The following EML5 variants were observed in gnomAD, a reference collection of about 807,000 sequenced individuals.
EML5 encodes the protein EMAP like 5, also known as echinoderm microtubule-associated protein-like 5.
In EML5, 120 loss-of-function variants were observed where a neutral mutation model predicts 250.0. That is an observed-to-expected ratio of 0.48 (90% CI 0.41 to 0.56). The LOEUF (loss-of-function observed/expected upper bound fraction) is 0.56. EML5 is among the 20% of genes least tolerant of loss of function. The pLI is 0.00. For missense variants in EML5, 2,006 were observed against 2,437.6 expected (o/e 0.82, Z 3.73); for synonymous variants, 771 against 806.5 (o/e 0.96, Z 0.75).
At position 88,621,259 on chromosome 14, in the gene EML5, C is replaced by T; in HGVS notation, c.5056G>A (p.Val1686Ile). ...VGTRNAEIIE[V>I]GEKNAACNIL... ...TTACAAGCTGCATTTTTCTCTCCAA[C>T]TTCGATTATTTCAGCATTCCTTGTC... Residue 1686 changes from valine to isoleucine, a missense_variant, in exon 38 of 44, where the codon GTT becomes ATT. Around this residue, in one of 7 missense-constraint regions of EML5, gnomAD observed 405 missense variants for 523.3 expected, o/e 0.77. Transcript: ENST00000554922. 2 of 1,613,922 alleles carry T rather than the reference C, an allele frequency of 1.2e-6. No homozygotes were observed. The highest frequency in any genetic ancestry group is 1.7e-6 in the Non-Finnish European group (2 of 1,179,874).
At chr14:88,661,872 C>T in intron 24 of EML5, 42 bp from the exon 25 acceptor site, 2 of 1,546,626 alleles carry the variant, frequency 1.3e-6, no homozygotes, top group East Asian at 2.3e-5. Context: ...ATTATCCAAA[C>T]CTAAAGTATT....
intron 27 of EML5, among the ~76,000 whole-genome samples, chr14:88,651,239 C>G (rs2091612697): frequency 6.7e-6 from 1 of 149,832 alleles, no homozygotes. Context: ...TCTCCCTCCC[C>G]ACACCTTGTC....
chr14:88,734,751 C>T (rs1381826424), intron 7 of EML5, among the ~76,000 whole-genome samples: 2 of 151,992 alleles, frequency 1.3e-5, no homozygotes, highest in African/African-American at 4.8e-5. Context: ...TACCAATTTA[C>T]AGGATACAGG....
At chr14:88,770,840 A>G (rs1016962256) in intron 1 of EML5, among the ~76,000 whole-genome samples, 3 of 152,216 alleles carry the variant, frequency 2.0e-5, no homozygotes, top group African/African-American at 7.2e-5. Context: ...AACATTTAAC[A>G]AGATTATTAC....
At chr14:88,664,888 TAACAA>T (rs555769953) in intron 22 of EML5, among the ~76,000 whole-genome samples, 186 of 152,322 alleles carry the variant, frequency 1.2e-3, no homozygotes, top group Non-Finnish European at 2.0e-3. Flanking sequence ...ACTTTGTATT[TAACAA>T]AACTCCCTCT....
At chr14:88,646,976 A>G (rs1378730442) in intron 28 of EML5, 21 bp from the exon 29 acceptor site, 1 of 1,590,458 alleles carries the variant, frequency 6.3e-7, no homozygotes, top group South Asian at 1.1e-5. Flanking sequence ...GCAGATAAAG[A>G]GGGAAAAAGA....
At chr14:88,669,721 C>T (rs2092406420) in intron 21 of EML5, among the ~76,000 whole-genome samples, 1 of 152,200 alleles carries the variant, frequency 6.6e-6, no homozygotes, top group South Asian at 2.1e-4. Flanking sequence ...GTGTAATGCA[C>T]CCCCTCTGCC....
At chr14:88,758,199 TA>T (rs1328034893) in intron 1 of EML5, among the ~76,000 whole-genome samples, 9 of 150,830 alleles carry the variant, frequency 6.0e-5, no homozygotes, top group African/African-American at 1.9e-4. Flanking sequence ...TATGTGTATT[TA>T]TTTTTTTTTG....
intron 19 of EML5, among the ~76,000 whole-genome samples, chr14:88,686,613 A>G (rs1427026630): frequency 2.6e-5 from 4 of 151,848 alleles, no homozygotes; most frequent in Admixed American, 2.6e-4. Flanking sequence ...TGAGTTTGAG[A>G]CCAGCCTGGA....
Position 88,638,837 on chromosome 14 carries a change from A to T in EML5, c.4308T>A (p.Phe1436Leu), listed in dbSNP as rs2090891524. The T allele has an allele frequency of 1.3e-6, 2 of 1,596,350 alleles. No individual in the cohort carries two copies. ...CTTGGCCAGTTGCCACTATGTTGAT[A>T]AATTTGGGGTGCTGGTTTACTGTGA... ...LCLTVNQHPKFINIVATGQVG... is the reference protein window; with the variant it reads ...LCLTVNQHPKLINIVATGQVG... Residue 1436 changes from phenylalanine (F) to leucine (L), a missense_variant, in exon 32 of 44, where the codon TTT becomes TTA. Physicochemically the swap from Phe to Leu is conservative, Grantham distance 22 (BLOSUM62 0). Around this residue, in one of 7 missense-constraint regions of EML5, gnomAD observed 1,375 missense variants for 1,590.3 expected, o/e 0.86. Transcript: ENST00000554922.
intron 2 of EML5, among the ~76,000 whole-genome samples, chr14:88,749,096 A>T (rs886902279): frequency 2.0e-5 from 3 of 152,164 alleles, no homozygotes; most frequent in Non-Finnish European, 4.4e-5. Flanking sequence ...CCCAAGCAGG[A>T]TAATCATTCA....
chr14:88,627,618 A>T (rs1478158710), intron 34 of EML5, 28 bp downstream of exon 34: 1 of 1,566,404 alleles, frequency 6.4e-7, no homozygotes, highest in African/African-American at 1.4e-5. Flanking sequence ...TTGTTTTTTT[A>T]AAAATCAAAC....
intron 4 of EML5, among the ~76,000 whole-genome samples, chr14:88,742,260 C>T (rs924294984): frequency 3.3e-5 from 5 of 152,086 alleles, no homozygotes; most frequent in African/African-American, 1.2e-4. Context: ...ATATTACACA[C>T]ACACACACGC....
At chr14:88,725,059 T>C (rs138894313) in intron 8 of EML5, among the ~76,000 whole-genome samples, 1 of 152,306 alleles carries the variant, frequency 6.6e-6, no homozygotes, top group East Asian at 1.9e-4. Context: ...AAATGTTATA[T>C]TCATTTTTTT....
At chr14:88,713,963 G>A (rs960258257) in intron 9 of EML5, among the ~76,000 whole-genome samples, 2 of 150,144 alleles carry the variant, frequency 1.3e-5, no homozygotes, top group Admixed American at 6.7e-5. Flanking sequence ...CCGACCTCCC[G>A]AATAGCTGGG....
chr14:88,679,009 T>C (rs1489622862), intron 21 of EML5, among the ~76,000 whole-genome samples: 3 of 151,868 alleles, frequency 2.0e-5, no homozygotes, highest in African/African-American at 7.3e-5. Context: ...CTGGTGGTTG[T>C]AGCAATCCTT....
At chr14:88,667,400 G>GT (rs1340066132) in intron 21 of EML5, among the ~76,000 whole-genome samples, 1 of 152,116 alleles carries the variant, frequency 6.6e-6, no homozygotes, top group Non-Finnish European at 1.5e-5. Flanking sequence ...TGAGAATAGC[G>GT]TAGGTCTTCT....
intron 1 of EML5, among the ~76,000 whole-genome samples, chr14:88,762,510 C>CG (rs2094259360): frequency 2.7e-5 from 4 of 150,918 alleles, no homozygotes; most frequent in Admixed American, 2.0e-4. Context: ...AACTCCATCT[C>CG]GGGGGAAAAA....
chr14:88,792,758 T>G lies in EML5; in HGVS notation c.-255A>C. ...GCTGTCAAGTGGATGCCCAGAGCCC[T>G]TCGCCCGCCTCGGCTCGCCTAGTCT... On this transcript the variant is annotated 5_prime_UTR_variant, in exon 1 of 44. Transcript: ENST00000554922. The surrounding 1 kb of genome is among the most constrained non-coding windows in gnomAD (Gnocchi z 6.9). 1 of 1,048,750 alleles carries G rather than the reference T, an allele frequency of 9.5e-7. No homozygotes were observed. Among genetic ancestry groups the G allele is most frequent in the Non-Finnish European group, 1.1e-6 (1 of 871,416 alleles). The allele number at this position is 1,048,750 out of a possible 1,614,324, so 65.0% of individuals were successfully genotyped here. A position where few individuals can be genotyped will look rare whatever the true frequency, so the allele number is the denominator to read the frequency against.
Sources: allele counts gnomAD v4.1 joint callset (sites outside exome capture counted in the v4.1 genomes callset), GRCh38; gene constraint gnomAD v4.1.1; regional missense constraint gnomAD v4.1.1; non-coding constraint Gnocchi (gnomAD v3.1); transcripts MANE v1.5; gene names NCBI Gene and HGNC (gene_info 2026-07-23, HGNC 2026-07-21).